The following HDAC9 variants were observed in gnomAD, a reference collection of about 807,000 sequenced individuals.
HDAC9 encodes the protein histone deacetylase 9.
HDAC9 carries 41 observed loss-of-function variants against 139.4 expected under a neutral mutation model. That is an observed-to-expected ratio of 0.29 (90% CI 0.23 to 0.38). The LOEUF (loss-of-function observed/expected upper bound fraction) is 0.38, where lower values mean the gene tolerates loss of function less well. Ranked by LOEUF, HDAC9 falls within the 10% of genes least tolerant of loss-of-function variation. HDAC9 has a pLI of 1.00. For synonymous variants in HDAC9, 517 were observed against 476.2 expected, an observed-to-expected ratio of 1.09 and a Z score of -1.12; for missense variants, 1,147 against 1,297.0, an observed-to-expected ratio of 0.88 and a Z score of 1.78.
At chr7:18,714,322 T>A (rs969865473) in intron 12 of HDAC9, among the ~76,000 whole-genome samples, 14 of 152,226 alleles carry the variant, frequency 9.2e-5, no homozygotes, top group African/African-American at 2.9e-4. Context: ...TTTGTTCTTA[T>A]CAACCCTGTT....
At chr7:18,521,575 G>A (rs1408166636) in intron 2 of HDAC9, among the ~76,000 whole-genome samples, 1 of 151,980 alleles carries the variant, frequency 6.6e-6, no homozygotes, top group Non-Finnish European at 1.5e-5. Context: ...CCATTAATAT[G>A]CTATCCCAAA....
chr7:18,517,439 T>A (rs1803590575), intron 2 of HDAC9, among the ~76,000 whole-genome samples: 1 of 152,212 alleles, frequency 6.6e-6, no homozygotes, highest in Admixed American at 6.5e-5. Flanking sequence ...AACTAAAGGA[T>A]CAGCTTGTGT....
At chr7:18,901,296 T>TAAAA (rs1398540343) in intron 22 of HDAC9, among the ~76,000 whole-genome samples, 1 of 150,484 alleles carries the variant, frequency 6.6e-6, no homozygotes, top group East Asian at 1.9e-4. Flanking sequence ...GAATAATATA[T>TAAAA]TTTGTTCCTG....
At position 18,370,964 on chromosome 7, in the gene HDAC9, G is replaced by A. The variant is rs1296249713; in HGVS notation, c.-42+80449G>A. 5.3e-5 allele frequency among the ~76,000 whole-genome samples: 8 copies of A among 152,246 alleles called. No homozygotes were observed. In the East Asian group the frequency reaches 1.5e-3, roughly 29 times the overall value. ...AACAGAACCACTTCTGCAGGTCTGA[G>A]GTGTCATCGTGCATTTTCTGGCTAA... On this transcript the variant is annotated intron_variant, in intron 1 of 3. Coordinates refer to the HDAC9 transcript ENST00000413509.
chr7:18,978,096 G>T (rs1037586737), intron 25 of HDAC9, among the ~76,000 whole-genome samples: 2 of 152,122 alleles, frequency 1.3e-5, no homozygotes, highest in Admixed American at 6.6e-5. Flanking sequence ...ACGTTTCTGG[G>T]CTTTTCTTAT....
intron 12 of HDAC9, among the ~76,000 whole-genome samples, chr7:18,671,792 T>G (rs1795692615): frequency 6.6e-6 from 1 of 152,040 alleles, no homozygotes; most frequent in African/African-American, 2.4e-5. Context: ...TTGCCTATTG[T>G]GGATATTTCA....
At position 18,532,983 on chromosome 7, in the gene HDAC9, C is replaced by G. The variant is rs922442069; in HGVS notation, c.22+36659C>G. Among the ~76,000 whole-genome samples, 11 of 152,172 alleles carry G rather than the reference C, an allele frequency of 7.2e-5. No homozygotes were observed. The East Asian group carries it at 2.1e-3, about 29-fold the overall frequency. On this transcript the variant is annotated intron_variant, in intron 2 of 25. Transcript: ENST00000686413. ...ACAGGAGTGTGCTTGTGTGTGTGCA[C>G]ACACACAAATATGTACACTTTTCTT...
At chr7:18,135,557 G>T in intron 1 of HDAC9, among the ~76,000 whole-genome samples, 1 of 130,606 alleles carries the variant, frequency 7.7e-6, no homozygotes, top group African/African-American at 3.0e-5. Flanking sequence ...GCGGTGTTTG[G>T]TTTTTTGTTC....
intron 22 of HDAC9, among the ~76,000 whole-genome samples, chr7:18,912,736 A>G (rs1287587815): frequency 1.3e-5 from 2 of 152,154 alleles, no homozygotes; most frequent in Non-Finnish European, 2.9e-5. Flanking sequence ...ATTTTAAAAA[A>G]CAAAAATGAG....
At position 18,793,396 on chromosome 7, in the gene HDAC9, A is replaced by T; in HGVS notation, c.2266A>T (p.Met756Leu). The change falls in exon 17 of 26, where the codon ATG becomes TTG. Residue 756 changes from methionine to leucine, a missense_variant. By Grantham distance (15) the Met-to-Leu change is conservative. Transcript: ENST00000686413. Reference protein sequence around the residue: ...NELHSSGAARMAVGCVIELAS... With the variant: ...NELHSSGAARLAVGCVIELAS... ...GCTACACTCGTCCGGTGCTGCACGC[A>T]TGGCTGTTGGCTGTGTCATCGAGCT... The T allele has an allele frequency of 6.3e-7, 1 of 1,587,354 alleles. No homozygotes were observed.
intron 1 of HDAC9, among the ~76,000 whole-genome samples, chr7:18,158,480 T>A (rs891244448): frequency 1.3e-5 from 2 of 152,166 alleles, no homozygotes; most frequent in African/African-American, 4.8e-5. Context: ...GCTCAAGTGG[T>A]CTGTAATTCC....
chr7:18,945,984 C>T (rs1404805467), intron 23 of HDAC9, among the ~76,000 whole-genome samples: 1 of 122,872 alleles, frequency 8.1e-6, no homozygotes, highest in African/African-American at 3.1e-5. Flanking sequence ...TTGCATTGAG[C>T]CGAGATAGCA....
intron 2 of HDAC9, among the ~76,000 whole-genome samples, chr7:18,235,676 C>G (rs1793767537): frequency 6.6e-6 from 1 of 152,182 alleles, no homozygotes; most frequent in South Asian, 2.1e-4. Flanking sequence ...TCATACATTA[C>G]CTTTGAATTT....
At chr7:18,691,853 A>G (rs1584853338) in intron 12 of HDAC9, among the ~76,000 whole-genome samples, 2 of 151,984 alleles carry the variant, frequency 1.3e-5, no homozygotes, top group East Asian at 1.9e-4. Context: ...ATTGATCCCA[A>G]TCAGGTCATA....
At chr7:18,216,657 A>G (rs1425820971) in intron 2 of HDAC9, among the ~76,000 whole-genome samples, 1 of 152,198 alleles carries the variant, frequency 6.6e-6, no homozygotes, top group African/African-American at 2.4e-5. Flanking sequence ...ATTACCTAGT[A>G]TTAAACCATT....
intron 17 of HDAC9, among the ~76,000 whole-genome samples, chr7:18,803,541 C>T (rs1292771288): frequency 6.6e-6 from 1 of 152,128 alleles, no homozygotes; most frequent in Non-Finnish European, 1.5e-5. Flanking sequence ...TCTTGAAAGA[C>T]AGCTTTGCTA....
chr7:18,714,971 A>G (rs1016312035), intron 12 of HDAC9, among the ~76,000 whole-genome samples: 6 of 152,214 alleles, frequency 3.9e-5, no homozygotes, highest in African/African-American at 1.4e-4. Context: ...TTAAATTATC[A>G]ATGCCTTTTT....
chr7:18,921,978 A>C (rs1323833287), intron 22 of HDAC9, among the ~76,000 whole-genome samples: 1 of 151,430 alleles, frequency 6.6e-6, no homozygotes, highest in African/African-American at 2.4e-5. Flanking sequence ...TCTCACAAGG[A>C]CAAAAAACCA....
chr7:18,937,652 T>G (rs1781737354), intron 23 of HDAC9, among the ~76,000 whole-genome samples: 1 of 152,208 alleles, frequency 6.6e-6, no homozygotes, highest in East Asian at 1.9e-4. Flanking sequence ...TTGATTTTAA[T>G]TATAGAAATA....
Sources: allele counts gnomAD v4.1 joint callset (sites outside exome capture counted in the v4.1 genomes callset), GRCh38; gene constraint gnomAD v4.1.1; transcripts MANE v1.5; gene names NCBI Gene and HGNC (gene_info 2026-07-23, HGNC 2026-07-21).